Variants in TRAPPC9 observed in about 807,000 individuals in gnomAD.
The protein encoded by TRAPPC9 is IKK2 binding protein.
In TRAPPC9, 83 loss-of-function variants were observed where a neutral mutation model predicts 124.0. That is an observed-to-expected ratio of 0.67 (90% CI 0.56 to 0.80). The LOEUF (loss-of-function observed/expected upper bound fraction) is 0.80. Ranked by LOEUF, TRAPPC9 falls within the 30% of genes least tolerant of loss-of-function variation. The pLI, the probability that TRAPPC9 is intolerant of heterozygous loss-of-function variation, is 0.00. For synonymous variants in TRAPPC9, 638 were observed against 617.5 expected, an observed-to-expected ratio of 1.03 and a Z score of -0.49; for missense variants, 1,302 against 1,508.3, an observed-to-expected ratio of 0.86 and a Z score of 2.27.
At chr8:140,255,482 G>GA (rs2064230651) in intron 15 of TRAPPC9, among the ~76,000 whole-genome samples, 1 of 152,238 alleles carries the variant, frequency 6.6e-6, no homozygotes, top group African/African-American at 2.4e-5. Flanking sequence ...AATGATCTGG[G>GA]AAAAGACAGA....
intron 17 of TRAPPC9, among the ~76,000 whole-genome samples, chr8:140,206,540 A>C (rs1276472912): frequency 1.3e-5 from 2 of 152,142 alleles, no homozygotes; most frequent in African/African-American, 4.8e-5. Flanking sequence ...CAAAACTAAT[A>C]AATTCTGGCT....
intron 19 of TRAPPC9, among the ~76,000 whole-genome samples, chr8:139,929,387 AC>A (rs750116920): frequency 6.6e-6 from 1 of 152,208 alleles, no homozygotes; most frequent in Non-Finnish European, 1.5e-5. Context: ...CCTTGAAATA[AC>A]TTTAGTGCAA....
rs79523957 is a variant in TRAPPC9 at position 140,211,244 on chromosome 8, A to T, written c.2556+10215T>A. Among the ~76,000 whole-genome samples, 1,134 of 152,180 alleles carry T rather than the reference A, an allele frequency of 7.5e-3. 8 individuals are homozygous for T. The highest frequency in any genetic ancestry group is 0.012 in the Non-Finnish European group (796 of 67,992). ...CACATCTCTACAACAAATTAAAAAT[A>T]AAAAAAAGTATTTTTTTTAAAATTA... On this transcript the variant is annotated intron_variant, in intron 17 of 22. Coordinates refer to ENST00000438773, the MANE Select transcript of TRAPPC9 (RefSeq NM_001160372.4).
intron 21 of TRAPPC9, among the ~76,000 whole-genome samples, chr8:139,848,722 G>C (rs987375724): frequency 9.2e-5 from 14 of 152,082 alleles, no homozygotes; most frequent in African/African-American, 3.4e-4. Context: ...TGTTTAAAAA[G>C]AAAGACTCAG....
chr8:140,431,744 T>C (rs1310555635), intron 4 of TRAPPC9, among the ~76,000 whole-genome samples: 2 of 152,154 alleles, frequency 1.3e-5, no homozygotes, highest in African/African-American at 4.8e-5. Flanking sequence ...GAAAGAACTG[T>C]AGGACTTGCA....
intron 17 of TRAPPC9, among the ~76,000 whole-genome samples, chr8:140,126,698 A>G (rs1175018712): frequency 6.6e-6 from 1 of 152,238 alleles, no homozygotes; most frequent in Non-Finnish European, 1.5e-5. Flanking sequence ...GAGCATAAGT[A>G]GCGAGAAGTA....
chr8:139,798,266 G>C (rs1026181799), intron 21 of TRAPPC9, among the ~76,000 whole-genome samples: 3 of 152,090 alleles, frequency 2.0e-5, no homozygotes, highest in Admixed American at 2.0e-4. Context: ...CTTTTCTGCT[G>C]CTATTGTAGA....
At chr8:140,165,860 C>A (rs2061828508) in intron 17 of TRAPPC9, among the ~76,000 whole-genome samples, 1 of 152,128 alleles carries the variant, frequency 6.6e-6, no homozygotes, top group Admixed American at 6.5e-5. Flanking sequence ...TCCCTCACCC[C>A]TCACTGTACC....
intron 17 of TRAPPC9, among the ~76,000 whole-genome samples, chr8:140,152,031 C>T (rs1246134622): frequency 6.6e-6 from 1 of 152,154 alleles, no homozygotes; most frequent in Non-Finnish European, 1.5e-5. Context: ...ATTCTGCTCT[C>T]CTTGCTTCCC....
intron 21 of TRAPPC9, among the ~76,000 whole-genome samples, chr8:139,784,608 C>CATACATAT (rs1554643612): frequency 2.3e-5 from 2 of 88,678 alleles, no homozygotes; most frequent in African/African-American, 8.0e-5. Context: ...AAAAGACTGA[C>CATACATAT]ATATATATAT....
chr8:139,830,272 C>G (rs541281231), intron 21 of TRAPPC9, among the ~76,000 whole-genome samples: 1 of 146,628 alleles, frequency 6.8e-6, no homozygotes, highest in Non-Finnish European at 1.5e-5. Flanking sequence ...CATGCATACA[C>G]ACACAAATGA....
chr8:139,773,616 C>T (rs1821140632), intron 21 of TRAPPC9, among the ~76,000 whole-genome samples: 1 of 152,196 alleles, frequency 6.6e-6, no homozygotes, highest in African/African-American at 2.4e-5. Flanking sequence ...CGCCAGCCTG[C>T]ACCTTCCCCA....
chr8:140,037,434 A>G (rs1840966343), intron 17 of TRAPPC9, among the ~76,000 whole-genome samples: 1 of 152,136 alleles, frequency 6.6e-6, no homozygotes, highest in African/African-American at 2.4e-5. Flanking sequence ...AGAATAAAGA[A>G]ACAAATTTCC....
At chr8:139,750,043 G>A (rs1424883186) in intron 21 of TRAPPC9, among the ~76,000 whole-genome samples, 2 of 152,080 alleles carry the variant, frequency 1.3e-5, no homozygotes, top group Non-Finnish European at 2.9e-5. Context: ...CGGGTGAGGA[G>A]TGTCCCCCAC....
intron 19 of TRAPPC9, among the ~76,000 whole-genome samples, chr8:139,961,853 G>C (rs903461032): frequency 8.1e-6 from 1 of 123,530 alleles, no homozygotes; most frequent in Admixed American, 8.6e-5. Flanking sequence ...CTCAGCCAGG[G>C]TAGAAGAGAG....
At chr8:140,073,875 A>C (rs868516140) in intron 17 of TRAPPC9, among the ~76,000 whole-genome samples, 5 of 152,324 alleles carry the variant, frequency 3.3e-5, no homozygotes, top group South Asian at 2.1e-4. Flanking sequence ...TTTCCCTAGT[A>C]AATGAGTTAA....
intron 9 of TRAPPC9, among the ~76,000 whole-genome samples, chr8:140,349,930 C>T (rs140408038): frequency 4.6e-5 from 7 of 152,316 alleles, no homozygotes; most frequent in East Asian, 3.9e-4. Flanking sequence ...CTCAGCTACA[C>T]GGTCAGCAGA....
At chr8:140,311,514 A>C (rs1425090179) in intron 9 of TRAPPC9, 140 bp from the exon 10 acceptor site, 2 of 980,676 alleles carry the variant, frequency 2.0e-6, no homozygotes, top group Non-Finnish European at 3.1e-6. Context: ...AGCAAAAGAG[A>C]CCAGAACAAA....
intron 9 of TRAPPC9, among the ~76,000 whole-genome samples, chr8:140,333,708 A>C (rs1330671125): frequency 1.3e-5 from 2 of 152,198 alleles, no homozygotes; most frequent in Non-Finnish European, 2.9e-5. Flanking sequence ...CTATATTTTA[A>C]ATGCTCAAAA....
Sources: gnomAD v4.1 joint callset for allele counts (sites outside exome capture counted in the v4.1 genomes callset) on GRCh38, gnomAD v4.1.1 for gene constraint, MANE v1.5 for transcripts, NCBI Gene and HGNC (gene_info 2026-07-23, HGNC 2026-07-21) for gene names.